The following PRCC variants were observed in gnomAD, a reference collection of about 807,000 sequenced individuals.
The protein encoded by PRCC is proline rich mitotic checkpoint control factor.
PRCC carries 10 observed loss-of-function variants against 44.0 expected under a neutral mutation model. The observed-to-expected ratio is 0.23, with a 90% CI of 0.14 to 0.39. PRCC has a LOEUF of 0.39. Among genes scored for constraint, PRCC ranks in the 10% least tolerant of loss-of-function variants. The probability of loss-of-function intolerance (pLI) is 1.00; values close to 1 mark genes in which losing one functional copy is unlikely to be tolerated. For synonymous variants in PRCC, 278 were observed against 259.5 expected (o/e 1.07, Z -0.69); for missense variants, 573 against 624.7 (o/e 0.92, Z 0.88).
intron 4 of PRCC, among the ~76,000 whole-genome samples, chr1:156,792,018 T>C (rs943369536): frequency 6.7e-6 from 1 of 149,644 alleles, no homozygotes; most frequent in African/African-American, 2.4e-5. Flanking sequence ...AGGGGTGCTT[T>C]GGAAGCTCCA....
At chr1:156,799,956 G>GCAAACACCA (rs1652782665) in intron 6 of PRCC, among the ~76,000 whole-genome samples, 1 of 152,150 alleles carries the variant, frequency 6.6e-6, no homozygotes, top group South Asian at 2.1e-4. Flanking sequence ...GTTCTGTTTT[G>GCAAACACCA]ACTGGTCCAG....
At chr1:156,784,804 A>G (rs560516050) in intron 2 of PRCC, among the ~76,000 whole-genome samples, 21 of 152,326 alleles carry the variant, frequency 1.4e-4, no homozygotes, top group African/African-American at 4.8e-4. Context: ...TTAGCTCTAC[A>G]GTTAGGCCAA....
intron 1 of PRCC, among the ~76,000 whole-genome samples, chr1:156,780,820 G>A (rs566147691): frequency 4.6e-5 from 7 of 151,768 alleles, no homozygotes; most frequent in African/African-American, 7.3e-5. Context: ...CTCTGCTTCC[G>A]CGGTTCAAGC....
chr1:156,767,745 A>G lies in PRCC; in HGVS notation c.-27A>G, dbSNP rs768339104. The G allele has an allele frequency of 7.0e-6, 11 of 1,562,582 alleles. No individual in the cohort carries two copies. In the South Asian group the frequency reaches 1.3e-4, roughly 18 times the overall value. On this transcript the variant is annotated 5_prime_UTR_variant, in exon 1 of 7. Coordinates refer to ENST00000271526, the MANE Select transcript of PRCC (RefSeq NM_005973.5). ...TCTCAAGTAGGCCTCATCTGCCGGC[A>G]AGGGCGCCCGAAACGCGGGAGGCGC...
chr1:156,786,564 C>T, intron 2 of PRCC, 44 bp from the exon 3 acceptor site: 7 of 1,552,938 alleles, frequency 4.5e-6, no homozygotes, highest in Non-Finnish European at 5.3e-6. Context: ...TAAAATCTCA[C>T]TTGTCATCTT....
chr1:156,787,136 A>C lies in PRCC; in HGVS notation c.1045A>C (p.Thr349Pro). ...GDDYSYNQFS[T>P]YGDANAAGAY... ...CGACTACAGCTACAATCAGTTTTCC[A>C]CATATGGCGATGCCAATGCCGCTGG... Residue 349 changes from threonine (T) to proline (P), a missense_variant, in exon 3 of 7, where the codon ACA becomes CCA. Thr to Pro is a conservative substitution (Grantham distance 38, BLOSUM62 -1). Around this residue, in one of 4 missense-constraint regions of PRCC, gnomAD observed 141 missense variants for 130.2 expected, o/e 1.08. Coordinates refer to ENST00000271526, the MANE Select transcript of PRCC (RefSeq NM_005973.5). 1 of 1,611,338 alleles carries C rather than the reference A, an allele frequency of 6.2e-7. No homozygotes were observed. Among genetic ancestry groups the C allele is most frequent in the Non-Finnish European group, 8.5e-7 (1 of 1,177,738 alleles).
At chr1:156,783,394 A>G (rs1210057588) in intron 2 of PRCC, among the ~76,000 whole-genome samples, 1 of 152,202 alleles carries the variant, frequency 6.6e-6, no homozygotes, top group African/African-American at 2.4e-5. Flanking sequence ...TGATTTATAC[A>G]TTCTAACCTC....
chr1:156,769,801 C>T (rs1651560526), intron 1 of PRCC, among the ~76,000 whole-genome samples: 1 of 152,042 alleles, frequency 6.6e-6, no homozygotes, highest in Non-Finnish European at 1.5e-5. Flanking sequence ...GGGGTTTCAC[C>T]ATGTTAGCCA....
At chr1:156,791,456 C>T (rs1007649069) in intron 3 of PRCC, 3 of 542,122 alleles carry the variant, frequency 5.5e-6, no homozygotes, top group African/African-American at 3.8e-5. Context: ...TCTTGTTACC[C>T]TTTCCTAAAA....
At chr1:156,792,643 G>A (rs1033105653) in intron 4 of PRCC, among the ~76,000 whole-genome samples, 19 of 151,920 alleles carry the variant, frequency 1.3e-4, no homozygotes, top group African/African-American at 3.4e-4. Context: ...TAGTAGAGAC[G>A]GGGTTTCACC....
chr1:156,775,959 C>A (rs577700445), intron 1 of PRCC, among the ~76,000 whole-genome samples: 1 of 152,260 alleles, frequency 6.6e-6, no homozygotes, highest in East Asian at 1.9e-4. Context: ...CCCCGCCTTG[C>A]CTCATTTTTG....
chr1:156,771,382 A>AG (rs1450590974), intron 1 of PRCC, among the ~76,000 whole-genome samples: 1 of 152,222 alleles, frequency 6.6e-6, no homozygotes, highest in African/African-American at 2.4e-5. Flanking sequence ...CAGAGTGGTG[A>AG]GAACCTTGGA....
intron 4 of PRCC, 129 bp from the exon 5 acceptor site, chr1:156,794,536 G>A: frequency 9.0e-7 from 1 of 1,105,096 alleles, no homozygotes; most frequent in South Asian, 1.6e-5. Context: ...CAGGGTGAAA[G>A]GACGTAGAGA....
chr1:156,789,852 C>T (rs544849857), intron 3 of PRCC, among the ~76,000 whole-genome samples: 3 of 152,144 alleles, frequency 2.0e-5, no homozygotes, highest in South Asian at 2.1e-4. Flanking sequence ...TTTTTATTCA[C>T]GTTGTATTCA....
Position 156,797,409 on chromosome 1 carries a change from T to A in PRCC, c.1389+68T>A, listed in dbSNP as rs530806549. 4 of 1,581,566 alleles carry A rather than the reference T, an allele frequency of 2.5e-6. No homozygotes were observed. The South Asian group carries it at 4.4e-5, about 18-fold the overall frequency. On this transcript the variant is annotated intron_variant, in intron 6 of 6. Transcript: ENST00000271526. Reference sequence around the variant, plus strand: ...AAATCTGGGAATTTGAAGGCTGAGATACGAGTTAGAAGCCCAGATGCTTAT... The same window carrying A: ...AAATCTGGGAATTTGAAGGCTGAGAAACGAGTTAGAAGCCCAGATGCTTAT...
intron 6 of PRCC, among the ~76,000 whole-genome samples, chr1:156,799,602 A>G (rs1217303443): frequency 6.6e-6 from 1 of 151,960 alleles, no homozygotes; most frequent in Non-Finnish European, 1.5e-5. Flanking sequence ...ACTCCTTTGT[A>G]CTCTTTCCCT....
At position 156,800,639 on chromosome 1, in the gene PRCC, C is replaced by T; in HGVS notation, c.*179C>T. On this transcript the variant is annotated 3_prime_UTR_variant, in exon 7 of 7. Transcript: ENST00000271526. ...TTTCTTAACAAGTTAGAAAATTCAGCTCCTTTCTGTCCTGGAGCTAGCAAA... is the reference window on the plus strand; with the variant it reads ...TTTCTTAACAAGTTAGAAAATTCAGTTCCTTTCTGTCCTGGAGCTAGCAAA... 1 of 619,896 alleles carries T rather than the reference C, an allele frequency of 1.6e-6. No homozygotes were observed. 38.4% of individuals were successfully genotyped at this position (619,896 alleles called of 1,614,324 possible). A position where few individuals can be genotyped will look rare whatever the true frequency, so the allele number is the denominator to read the frequency against.
rs1349210884 is a variant in PRCC at position 156,787,129 on chromosome 1, G to C, written c.1038G>C (p.Gln346His). 1.9e-6 allele frequency: 3 copies of C among 1,612,908 alleles called. No homozygotes were observed. The highest frequency in any genetic ancestry group is 1.7e-5 in the Admixed American group (1 of 59,980). Residue 346 changes from glutamine (Q) to histidine (H), a missense_variant, in exon 3 of 7, where the codon CAG (glutamine) becomes CAC (histidine). Transcript: ENST00000271526. ...CTGGGGACGACTACAGCTACAATCAGTTTTCCACATATGGCGATGCCAATG... is the reference window on the plus strand; with the variant it reads ...CTGGGGACGACTACAGCTACAATCACTTTTCCACATATGGCGATGCCAATG... The part of the protein sequence containing the change: ...PKPGDDYSYN[Q>H]FSTYGDANAA...
chr1:156,792,049 CCTT>C (rs1652496567), intron 4 of PRCC, among the ~76,000 whole-genome samples: 1 of 111,124 alleles, frequency 9.0e-6, no homozygotes, highest in African/African-American at 3.1e-5. Flanking sequence ...GATCTAGTCC[CCTT>C]CTTTTTTTTT....
Sources: gnomAD v4.1 joint callset for allele counts (sites outside exome capture counted in the v4.1 genomes callset) on GRCh38, gnomAD v4.1.1 for gene constraint, gnomAD v4.1.1 regional missense constraint, MANE v1.5 for transcripts, NCBI Gene and HGNC (gene_info 2026-07-23, HGNC 2026-07-21) for gene names.